The following ADAM22 variants were observed in gnomAD, a reference collection of about 807,000 sequenced individuals.
The protein encoded by ADAM22 is ADAM metallopeptidase domain 22.
ADAM22 carries 65 observed loss-of-function variants against 144.6 expected under a neutral mutation model. The ratio of observed to expected loss-of-function variants is 0.45; its 90% CI spans 0.37 to 0.55. The LOEUF is 0.55. Among genes scored for constraint, ADAM22 ranks in the 20% least tolerant of loss-of-function variants. The pLI, the probability that ADAM22 is intolerant of heterozygous loss-of-function variation, is 0.00. For synonymous variants in ADAM22, 391 were observed against 412.6 expected (o/e 0.95, Z 0.63); for missense variants, 974 against 1,184.9 (o/e 0.82, Z 2.61).
rs1163981744 is a variant in ADAM22, at chr7:88,153,124, A to T, written c.1682-97A>T. On this transcript the variant is annotated intron_variant, in intron 20 of 31. Coordinates refer to ENST00000413139, the MANE Select transcript of ADAM22 (RefSeq NM_001324418.2). ...TTTTGGAATTGATAACACTGTAGTG[A>T]TGAAGAGTCCTTATATTACAATTTT... 6.8e-6 allele frequency: 5 copies of T among 738,276 alleles called. No homozygotes were observed. In the East Asian group the frequency reaches 1.3e-4, roughly 20 times the overall value. 45.7% of individuals were successfully genotyped at this position (738,276 alleles called of 1,614,324 possible).
At chr7:88,072,791 A>G (rs150200339) in intron 3 of ADAM22, among the ~76,000 whole-genome samples, 357 of 152,210 alleles carry the variant, frequency 2.3e-3, no homozygotes, top group African/African-American at 8.4e-3. Context: ...TCTCTCCTAC[A>G]TCTGGGGAAG....
chr7:88,074,280 A>G (rs191429103), intron 3 of ADAM22, among the ~76,000 whole-genome samples: 1 of 152,354 alleles, frequency 6.6e-6, no homozygotes, highest in African/African-American at 2.4e-5. Flanking sequence ...ATATGCTTCA[A>G]GAGTAATTGA....
chr7:87,997,216 A>C (rs1007094195), intron 3 of ADAM22, among the ~76,000 whole-genome samples: 1 of 152,246 alleles, frequency 6.6e-6, no homozygotes, highest in African/African-American at 2.4e-5. Context: ...TATTTAAAAA[A>C]CAGAAATAAA....
intron 3 of ADAM22, among the ~76,000 whole-genome samples, chr7:88,035,957 C>T (rs1209749703): frequency 6.6e-6 from 1 of 152,206 alleles, no homozygotes; most frequent in Non-Finnish European, 1.5e-5. Flanking sequence ...AAATATGGAT[C>T]TGTTTAATTT....
At chr7:88,170,909 G>A (rs1263629917) in intron 25 of ADAM22, among the ~76,000 whole-genome samples, 1 of 151,824 alleles carries the variant, frequency 6.6e-6, no homozygotes, top group Non-Finnish European at 1.5e-5. Context: ...CATTTAAGTC[G>A]ATTTTAGCTT....
At chr7:88,002,667 G>A (rs1214284553) in intron 3 of ADAM22, among the ~76,000 whole-genome samples, 2 of 152,158 alleles carry the variant, frequency 1.3e-5, no homozygotes, top group African/African-American at 4.8e-5. Flanking sequence ...AGCCAGAGAG[G>A]AAAAAGACCA....
intron 29 of ADAM22, 31 bp downstream of exon 29, chr7:88,182,055 C>T: frequency 6.3e-7 from 1 of 1,579,824 alleles, no homozygotes; most frequent in Non-Finnish European, 8.7e-7. Context: ...GAAAAAGGCA[C>T]TCCAAGGTCC....
chr7:88,134,207 C>T (rs1328239959), intron 12 of ADAM22, 122 bp from the exon 13 acceptor site: 2 of 673,200 alleles, frequency 3.0e-6, no homozygotes, highest in African/African-American at 1.8e-5. Flanking sequence ...GTGTGTTCAG[C>T]CTCTTCTAAA....
chr7:87,981,815 G>A (rs1414196802), intron 3 of ADAM22, among the ~76,000 whole-genome samples: 1 of 151,926 alleles, frequency 6.6e-6, no homozygotes, highest in Non-Finnish European at 1.5e-5. Flanking sequence ...GGCTGATGAT[G>A]ATGATAAAAA....
At chr7:88,009,671 A>G (rs999655307) in intron 3 of ADAM22, among the ~76,000 whole-genome samples, 9 of 152,150 alleles carry the variant, frequency 5.9e-5, no homozygotes, top group African/African-American at 2.2e-4. Context: ...GGTGTCTGTG[A>G]TAATGGAATT....
Position 88,026,442 on chromosome 7 carries a change from C to A in ADAM22, c.323+48030C>A, listed in dbSNP as rs1799052301. Among the ~76,000 whole-genome samples, 6 of 152,104 alleles carry A rather than the reference C, an allele frequency of 3.9e-5. 1 individual carries two copies. The South Asian group carries it at 1.2e-3, about 32-fold the overall frequency. On this transcript the variant is annotated intron_variant, in intron 3 of 31. Coordinates refer to ENST00000413139, the MANE Select transcript of ADAM22 (RefSeq NM_001324418.2). ...GCTAACCCATTCATGAGAATTCCACCCCGATGATACAGTCACTTCCCACTA... is the reference window on the plus strand; with the variant it reads ...GCTAACCCATTCATGAGAATTCCACACCGATGATACAGTCACTTCCCACTA...
At chr7:88,053,572 G>GA (rs1441241022) in intron 3 of ADAM22, among the ~76,000 whole-genome samples, 19 of 126,170 alleles carry the variant, frequency 1.5e-4, no homozygotes, top group African/African-American at 5.7e-4. Flanking sequence ...AAGAAGGAAG[G>GA]AGGAAAGGAA....
intron 4 of ADAM22, among the ~76,000 whole-genome samples, chr7:88,104,245 G>A (rs956902590): frequency 6.6e-6 from 1 of 152,116 alleles, no homozygotes; most frequent in African/African-American, 2.4e-5. Flanking sequence ...AGAAAGTCAA[G>A]TGGCTGAACA....
At chr7:88,006,728 A>C (rs1200371706) in intron 3 of ADAM22, among the ~76,000 whole-genome samples, 1 of 150,110 alleles carries the variant, frequency 6.7e-6, no homozygotes, top group Non-Finnish European at 1.5e-5. Context: ...CTCTCAATAA[A>C]TTAGGTATTG....
chr7:88,119,792 A>T (rs1271062250), intron 7 of ADAM22, among the ~76,000 whole-genome samples: 3 of 152,186 alleles, frequency 2.0e-5, no homozygotes, highest in Non-Finnish European at 4.4e-5. Context: ...CCCGGCCTAT[A>T]ACACAATTTT....
chr7:88,044,299 T>C (rs1356761979), intron 3 of ADAM22, among the ~76,000 whole-genome samples: 1 of 152,226 alleles, frequency 6.6e-6, no homozygotes, highest in Non-Finnish European at 1.5e-5. Flanking sequence ...ATGATTATGA[T>C]GATGATGTCT....
At chr7:88,022,120 C>A (rs1317435175) in intron 3 of ADAM22, among the ~76,000 whole-genome samples, 1 of 151,390 alleles carries the variant, frequency 6.6e-6, no homozygotes, top group African/African-American at 2.4e-5. Flanking sequence ...GGTCTCAAAC[C>A]CCTAACCTCA....
chr7:88,168,295 A>G, intron 25 of ADAM22, 68 bp downstream of exon 25: 1 of 1,472,050 alleles, frequency 6.8e-7, no homozygotes, highest in Admixed American at 1.7e-5. Flanking sequence ...ACATGAAAAC[A>G]TCTAGAAAGT....
At chr7:87,967,888 C>T (rs1849534559) in intron 2 of ADAM22, among the ~76,000 whole-genome samples, 1 of 150,186 alleles carries the variant, frequency 6.7e-6, no homozygotes, top group South Asian at 2.1e-4. Flanking sequence ...GAGATATTGG[C>T]CCTCAATTTA....
Sources: gnomAD v4.1 joint callset for allele counts (sites outside exome capture counted in the v4.1 genomes callset) on GRCh38, gnomAD v4.1.1 for gene constraint, MANE v1.5 for transcripts, NCBI Gene and HGNC (gene_info 2026-07-23, HGNC 2026-07-21) for gene names.